GRID2: variants seen among roughly 807,000 people sequenced by gnomAD.
GRID2 encodes glutamate ionotropic receptor delta type subunit 2, also known as glutamate receptor ionotropic, delta-2.
A neutral mutation model predicts 114.8 loss-of-function variants in GRID2; 33 were observed. The observed-to-expected ratio is 0.29, with a 90% CI of 0.22 to 0.38. The LOEUF (loss-of-function observed/expected upper bound fraction) is 0.38, where lower values mean the gene tolerates loss of function less well. GRID2 is among the 10% of genes least tolerant of loss of function. The pLI is 1.00. For missense variants in GRID2, 1,184 were observed against 1,257.7 expected, an observed-to-expected ratio of 0.94 and a Z score of 0.89; for synonymous variants, 505 against 449.9, an observed-to-expected ratio of 1.12 and a Z score of -1.55.
chr4:93,174,574 G>A (rs1281562302), intron 4 of GRID2, among the ~76,000 whole-genome samples: 1 of 152,094 alleles, frequency 6.6e-6, no homozygotes, highest in Non-Finnish European at 1.5e-5. Context: ...CGGGTTAAAG[G>A]AGGTCATGAG....
chr4:93,525,971 G>T (rs1022646768), intron 13 of GRID2, among the ~76,000 whole-genome samples: 12 of 152,080 alleles, frequency 7.9e-5, no homozygotes, highest in Non-Finnish European at 1.5e-4. Context: ...TACTCTCAAA[G>T]TTACTTCCCA....
intron 8 of GRID2, among the ~76,000 whole-genome samples, chr4:93,366,255 A>G (rs1314724528): frequency 2.0e-5 from 3 of 152,162 alleles, no homozygotes; most frequent in Non-Finnish European, 4.4e-5. Flanking sequence ...AATAATGCTG[A>G]ATTCTTTTTC....
chr4:92,750,611 G>T (rs1257280006), intron 2 of GRID2, among the ~76,000 whole-genome samples: 1 of 152,172 alleles, frequency 6.6e-6, no homozygotes, highest in Non-Finnish European at 1.5e-5. Context: ...AATAGCACCT[G>T]AACATTTCTT....
chr4:93,111,709 A>AATTTT, intron 4 of GRID2, among the ~76,000 whole-genome samples: 2 of 150,656 alleles, frequency 1.3e-5, no homozygotes, highest in Non-Finnish European at 3.0e-5. Flanking sequence ...GGAATTTTTA[A>AATTTT]AAATATTTTA....
intron 2 of GRID2, among the ~76,000 whole-genome samples, chr4:92,862,999 C>T (rs181759361): frequency 1.6e-4 from 25 of 152,152 alleles, no homozygotes; most frequent in Admixed American, 7.9e-4. Context: ...GCTCTTCTCT[C>T]GGCACTTACC....
At chr4:93,496,541 T>C (rs1398109515) in intron 12 of GRID2, among the ~76,000 whole-genome samples, 2 of 151,708 alleles carry the variant, frequency 1.3e-5, no homozygotes, top group African/African-American at 2.4e-5. Flanking sequence ...CACCCTTCCT[T>C]ACCAACCCCA....
chr4:93,197,655 A>G (rs1741638461), intron 4 of GRID2, among the ~76,000 whole-genome samples: 6 of 152,306 alleles, frequency 3.9e-5, no homozygotes, highest in African/African-American at 1.4e-4. Context: ...GTAATGTTCC[A>G]GATGCTTTAG....
chr4:93,520,883 C>T (rs1035480836), intron 13 of GRID2, among the ~76,000 whole-genome samples: 2 of 152,022 alleles, frequency 1.3e-5, no homozygotes, highest in Admixed American at 6.6e-5. Context: ...CGCAACATAA[C>T]TTTTTAAAGG....
chr4:93,657,740 C>A (rs1723145777), intron 14 of GRID2, among the ~76,000 whole-genome samples: 1 of 152,146 alleles, frequency 6.6e-6, no homozygotes, highest in South Asian at 2.1e-4. Flanking sequence ...CGTTTGTTTT[C>A]TGTGGCTGAG....
intron 2 of GRID2, among the ~76,000 whole-genome samples, chr4:92,931,236 A>G (rs1314085546): frequency 1.3e-5 from 2 of 151,054 alleles, no homozygotes; most frequent in Non-Finnish European, 3.0e-5. Context: ...TATTAATAGA[A>G]TAAAGGAGAA....
intron 10 of GRID2, among the ~76,000 whole-genome samples, chr4:93,427,034 A>T (rs975495268): frequency 1.3e-5 from 2 of 152,138 alleles, no homozygotes; most frequent in Admixed American, 1.3e-4. Flanking sequence ...ACAGAAAATA[A>T]CATTTCAAGA....
intron 2 of GRID2, among the ~76,000 whole-genome samples, chr4:92,849,776 T>A (rs1288867794): frequency 6.6e-6 from 1 of 151,880 alleles, no homozygotes; most frequent in Non-Finnish European, 1.5e-5. Context: ...TGAGGCTAGA[T>A]GATTATTTCA....
At chr4:93,245,606 C>T (rs538346453) in intron 8 of GRID2, among the ~76,000 whole-genome samples, 188 of 152,228 alleles carry the variant, frequency 1.2e-3, no homozygotes, top group African/African-American at 4.0e-3. Context: ...TGTCTCACAG[C>T]GAGACTAGAT....
intron 14 of GRID2, among the ~76,000 whole-genome samples, chr4:93,695,867 C>T (rs1163650790): frequency 6.6e-6 from 1 of 152,120 alleles, no homozygotes; most frequent in African/African-American, 2.4e-5. Context: ...GCTATGTGAC[C>T]ACTTAATGAG....
chr4:93,699,854 T>A (rs900223247), intron 14 of GRID2, among the ~76,000 whole-genome samples: 8 of 152,168 alleles, frequency 5.3e-5, no homozygotes, highest in African/African-American at 1.9e-4. Context: ...TAAAACCTTG[T>A]GAACTGGGAC....
At chr4:93,283,920 A>G (rs746366025) in intron 8 of GRID2, among the ~76,000 whole-genome samples, 6 of 152,092 alleles carry the variant, frequency 3.9e-5, no homozygotes, top group Admixed American at 2.0e-4. Context: ...ACCTAGCTCA[A>G]TCTCTATAAT....
At chr4:92,538,968 G>C (rs1280616950) in intron 1 of GRID2, among the ~76,000 whole-genome samples, 1 of 151,714 alleles carries the variant, frequency 6.6e-6, no homozygotes, top group Non-Finnish European at 1.5e-5. Context: ...CGTGAGCCTG[G>C]GAGGCGCAGC....
intron 2 of GRID2, among the ~76,000 whole-genome samples, chr4:93,078,726 ATTATAT>A (rs1319166023): frequency 2.0e-5 from 2 of 102,280 alleles, no homozygotes; most frequent in Non-Finnish European, 4.0e-5. Flanking sequence ...ACTAAATATA[ATTATAT>A]TTATATACTG....
chr4:93,766,943 A>G (rs913066091), intron 14 of GRID2, among the ~76,000 whole-genome samples: 2 of 152,184 alleles, frequency 1.3e-5, no homozygotes, highest in Non-Finnish European at 2.9e-5. Context: ...ACACCTATCG[A>G]CGAGCAATAC....
Sources: allele counts gnomAD v4.1 joint callset (sites outside exome capture counted in the v4.1 genomes callset), GRCh38; gene constraint gnomAD v4.1.1; transcripts MANE v1.5; gene names NCBI Gene and HGNC (gene_info 2026-07-23, HGNC 2026-07-21).